Variants in NCAM2 observed in about 807,000 individuals in gnomAD.
NCAM2 encodes neural cell adhesion molecule 2.
Under a neutral mutation model 98.1 loss-of-function variants are expected in NCAM2, and 30 were observed. That is an observed-to-expected ratio of 0.31 (90% CI 0.23 to 0.41). The LOEUF is 0.41. NCAM2 is among the 10% of genes least tolerant of loss of function. The probability of loss-of-function intolerance (pLI) is 1.00; values close to 1 mark genes in which losing one functional copy is unlikely to be tolerated. For missense variants in NCAM2, 867 were observed against 1,005.8 expected (o/e 0.86, Z 1.87); for synonymous variants, 368 against 342.4 (o/e 1.07, Z -0.83).
chr21:21,179,519 A>G (rs1292754036), intron 1 of NCAM2, among the ~76,000 whole-genome samples: 2 of 152,184 alleles, frequency 1.3e-5, no homozygotes, highest in African/African-American at 2.4e-5. Context: ...TTCTCCCCAC[A>G]TGCTATTGGT....
chr21:21,037,917 A>G (rs1290484596), intron 1 of NCAM2, among the ~76,000 whole-genome samples: 2 of 152,230 alleles, frequency 1.3e-5, no homozygotes, highest in African/African-American at 4.8e-5. Context: ...TCACAAACAG[A>G]ATTCCCATTT....
At chr21:21,325,376 CT>C (rs1292900550) in intron 6 of NCAM2, among the ~76,000 whole-genome samples, 1 of 152,098 alleles carries the variant, frequency 6.6e-6, no homozygotes, top group East Asian at 1.9e-4. Context: ...AACTTTTATT[CT>C]TTTTTGCTTG....
At chr21:21,147,166 C>T (rs970027706) in intron 1 of NCAM2, 6 of 968,822 alleles carry the variant, frequency 6.2e-6, no homozygotes, top group East Asian at 1.2e-4. Context: ...TGTCCCACAC[C>T]GGAGCTGGTA....
intron 14 of NCAM2, among the ~76,000 whole-genome samples, chr21:21,474,879 G>A (rs1349136526): frequency 3.3e-5 from 5 of 151,612 alleles, no homozygotes; most frequent in African/African-American, 1.2e-4. Context: ...ACAATTATAT[G>A]TTGTGTGTGT....
chr21:21,393,892 G>A (rs2076438519), intron 9 of NCAM2, among the ~76,000 whole-genome samples: 1 of 152,062 alleles, frequency 6.6e-6, no homozygotes, highest in East Asian at 1.9e-4. Flanking sequence ...TTTGATGAAG[G>A]AAAGATATTC....
intron 1 of NCAM2, among the ~76,000 whole-genome samples, chr21:21,264,514 C>T (rs4605456): frequency 0.83 from 126,386 of 151,778 alleles, 52,910 homozygotes; most frequent in East Asian, 0.99. Context: ...CAAAGGAAAA[C>T]AAATCACTTT....
chr21:21,061,011 T>G (rs2065310166), intron 1 of NCAM2, among the ~76,000 whole-genome samples: 2 of 152,078 alleles, frequency 1.3e-5, no homozygotes, highest in Admixed American at 1.3e-4. Context: ...GATGCCATCT[T>G]TTTTTCCTCT....
Position 20,998,498 on chromosome 21 carries a change from A to G in NCAM2, c.-66A>G. ...TCTAGCAGAGGCGGCCGGGGCAGCG[A>G]AAGGTTCTCTCTCCAGGGCTGGACT... On this transcript the variant is annotated 5_prime_UTR_variant, in exon 1 of 18. Coordinates refer to ENST00000400546, the MANE Select transcript of NCAM2 (RefSeq NM_004540.5). 6.5e-7 allele frequency: 1 copy of G among 1,535,486 alleles called. No individual in the cohort carries two copies. The highest frequency in any genetic ancestry group is 8.9e-7 in the Non-Finnish European group (1 of 1,122,578).
Position 20,998,628 on chromosome 21 carries a change from T to A in NCAM2, c.55+10T>A, listed in dbSNP as rs999259459. Reference sequence around the variant, plus strand: ...GTCAGTAGCGGGCAAGGTAGGAGTGTGGCGCTTTATTGCATTTACTTTCCC... The same window carrying A: ...GTCAGTAGCGGGCAAGGTAGGAGTGAGGCGCTTTATTGCATTTACTTTCCC... On this transcript the variant is annotated intron_variant, in intron 1 of 17. Transcript: ENST00000400546. The A allele has an allele frequency of 3.1e-6, 5 of 1,613,542 alleles. No homozygotes were observed. The African/African-American group carries it at 5.3e-5, about 17-fold the overall frequency.
At position 21,410,159 on chromosome 21, in the gene NCAM2, A is replaced by G. The variant is rs544512467; in HGVS notation, c.1196-115A>G. The G allele has an allele frequency of 7.3e-5, 46 of 632,236 alleles. No homozygotes were observed. In the African/African-American group the frequency reaches 8.1e-4, roughly 11 times the overall value. 39.2% of individuals were successfully genotyped at this position (632,236 alleles called of 1,614,324 possible). On this transcript the variant is annotated intron_variant, in intron 9 of 17. Coordinates refer to ENST00000400546, the MANE Select transcript of NCAM2 (RefSeq NM_004540.5). Reference sequence around the variant, plus strand: ...AAAAGAAAAAAAAAAAATACACGAAATTAGAATTATGTGGCTTCTTTTTAT... The same window carrying G: ...AAAAGAAAAAAAAAAAATACACGAAGTTAGAATTATGTGGCTTCTTTTTAT...
chr21:21,034,048 G>A (rs1019944279), intron 1 of NCAM2, among the ~76,000 whole-genome samples: 1 of 143,374 alleles, frequency 7.0e-6, no homozygotes, highest in African/African-American at 2.5e-5. Context: ...TAAGAGATAG[G>A]CAAAGGGGGG....
At chr21:21,495,032 A>C (rs1232370704) in intron 15 of NCAM2, among the ~76,000 whole-genome samples, 2 of 151,838 alleles carry the variant, frequency 1.3e-5, no homozygotes, top group African/African-American at 4.8e-5. Flanking sequence ...ATAAACTTCT[A>C]TTTTAGTGGT....
At chr21:21,359,267 T>C (rs2075579198) in intron 8 of NCAM2, among the ~76,000 whole-genome samples, 1 of 152,006 alleles carries the variant, frequency 6.6e-6, no homozygotes, top group Admixed American at 6.6e-5. Context: ...GATACTTCTA[T>C]TCCCCATCTG....
intron 1 of NCAM2, among the ~76,000 whole-genome samples, chr21:21,246,992 C>T (rs558743583): frequency 1.1e-4 from 16 of 149,658 alleles, no homozygotes; most frequent in Non-Finnish European, 1.8e-4. Flanking sequence ...ATTGCACTGT[C>T]TCTGTAGTCT....
chr21:21,322,041 G>C (rs2074387941), intron 5 of NCAM2, among the ~76,000 whole-genome samples: 1 of 152,148 alleles, frequency 6.6e-6, no homozygotes, highest in Admixed American at 6.6e-5. Context: ...CAATAGCAAG[G>C]ACATGGAGTC....
chr21:21,292,184 G>A lies in NCAM2; in HGVS notation c.562G>A (p.Gly188Arg). 1 of 1,611,204 alleles carries A rather than the reference G, an allele frequency of 6.2e-7. No individual in the cohort carries two copies. Among genetic ancestry groups the A allele is most frequent in the Non-Finnish European group, 8.5e-7 (1 of 1,178,330 alleles). The change falls in exon 5 of 18, where the codon GGA (glycine) becomes AGA (arginine). Residue 188 changes from glycine (G) to arginine (R), a missense_variant. Coordinates refer to ENST00000400546, the MANE Select transcript of NCAM2 (RefSeq NM_004540.5). ...TGATGAAGGTATATACAGATGTGAA[G>A]GAAGAGTGGAGGCCAGGGGAGAAAT... ...KSDEGIYRCE[G>R]RVEARGEIDF...
At chr21:21,049,831 A>G (rs1295792255) in intron 1 of NCAM2, among the ~76,000 whole-genome samples, 1 of 151,912 alleles carries the variant, frequency 6.6e-6, no homozygotes, top group Non-Finnish European at 1.5e-5. Flanking sequence ...AGATTGCGCC[A>G]TTGCACTCCA....
intron 1 of NCAM2, among the ~76,000 whole-genome samples, chr21:21,031,217 T>C (rs2064674907): frequency 6.6e-6 from 1 of 152,236 alleles, no homozygotes; most frequent in African/African-American, 2.4e-5. Context: ...TTACTGTTTA[T>C]GTTTTGGCCA....
At chr21:21,195,092 A>G (rs1026672466) in intron 1 of NCAM2, among the ~76,000 whole-genome samples, 20 of 152,214 alleles carry the variant, frequency 1.3e-4, no homozygotes, top group African/African-American at 4.8e-4. Context: ...AGATTAGGGA[A>G]TGAGTGTTAC....
Sources: allele counts gnomAD v4.1 joint callset (sites outside exome capture counted in the v4.1 genomes callset), GRCh38; gene constraint gnomAD v4.1.1; transcripts MANE v1.5; gene names NCBI Gene and HGNC (gene_info 2026-07-23, HGNC 2026-07-21).